Variants in CHRNA7 observed in about 807,000 individuals in gnomAD.
CHRNA7 encodes the protein cholinergic receptor nicotinic alpha 7 subunit.
A neutral mutation model predicts 48.0 loss-of-function variants in CHRNA7; 17 were observed. The observed-to-expected ratio is 0.35, with a 90% CI of 0.24 to 0.53. The LOEUF (loss-of-function observed/expected upper bound fraction) is 0.53. Among genes scored for constraint, CHRNA7 ranks in the 20% least tolerant of loss-of-function variants. The pLI, the probability that CHRNA7 is intolerant of heterozygous loss-of-function variation, is 0.92. For synonymous variants in CHRNA7, 75 were observed against 242.3 expected (o/e 0.31, Z 6.41); for missense variants, 155 against 577.7 (o/e 0.27, Z 7.50).
At chr15:32,114,044 G>A (rs11638173) in intron 4 of CHRNA7, among the ~76,000 whole-genome samples, 18,366 of 61,598 alleles carry the variant, frequency 0.3, 1,986 homozygotes, top group Middle Eastern at 0.41. Context: ...ATATATATAT[G>A]TATATATATA....
chr15:32,147,209 G>A (rs1001806828), intron 4 of CHRNA7, among the ~76,000 whole-genome samples: 3 of 152,182 alleles, frequency 2.0e-5, no homozygotes, highest in African/African-American at 7.2e-5. Context: ...GGTACTCATG[G>A]ACATAAAGAT....
chr15:32,051,255 G>T (rs4779962), intron 2 of CHRNA7, among the ~76,000 whole-genome samples: 90,787 of 151,088 alleles, frequency 0.6, 31,370 homozygotes, highest in Non-Finnish European at 0.77. Context: ...CCCAGAGGTG[G>T]AGCCTACGGA....
At chr15:32,096,476 G>T (rs1217678428) in intron 2 of CHRNA7, among the ~76,000 whole-genome samples, 1 of 152,152 alleles carries the variant, frequency 6.6e-6, no homozygotes, top group African/African-American at 2.4e-5. Flanking sequence ...TTGGTGTAAA[G>T]ATTAAATTAG....
chr15:32,147,728 T>A (rs2051521355), intron 4 of CHRNA7, among the ~76,000 whole-genome samples: 1 of 152,214 alleles, frequency 6.6e-6, no homozygotes, highest in African/African-American at 2.4e-5. Flanking sequence ...TCAAGACTTT[T>A]TTGGTCATGG....
chr15:32,033,875 C>G (rs1369780295), intron 2 of CHRNA7, among the ~76,000 whole-genome samples: 1 of 152,178 alleles, frequency 6.6e-6, no homozygotes, highest in Non-Finnish European at 1.5e-5. Flanking sequence ...GCAGAGATTC[C>G]TGACTGGAGT....
intron 4 of CHRNA7, among the ~76,000 whole-genome samples, chr15:32,142,353 C>T (rs1000460055): frequency 1.3e-5 from 2 of 152,136 alleles, no homozygotes; most frequent in South Asian, 2.1e-4. Context: ...TGCATCAATG[C>T]TCCTCAGGGA....
At chr15:32,131,072 T>A (rs2051147360) in intron 4 of CHRNA7, among the ~76,000 whole-genome samples, 1 of 152,150 alleles carries the variant, frequency 6.6e-6, no homozygotes. Flanking sequence ...TTTTTCCCCC[T>A]TACGGATCAT....
chr15:32,059,125 TC>T (rs1276233802), intron 2 of CHRNA7, among the ~76,000 whole-genome samples: 5 of 152,054 alleles, frequency 3.3e-5, no homozygotes, highest in African/African-American at 1.2e-4. Flanking sequence ...TGCCTCAGTC[TC>T]CCGAGTGGCT....
chr15:32,074,108 G>A (rs148463247), intron 2 of CHRNA7, among the ~76,000 whole-genome samples: 6 of 149,850 alleles, frequency 4.0e-5, no homozygotes, highest in Middle Eastern at 3.4e-3. Flanking sequence ...TAATTTTGAT[G>A]TCCATATGCT....
At chr15:32,087,186 C>T (rs962945445) in intron 2 of CHRNA7, among the ~76,000 whole-genome samples, 1 of 152,096 alleles carries the variant, frequency 6.6e-6, no homozygotes, top group African/African-American at 2.4e-5. Flanking sequence ...GTGGACTCAG[C>T]AGTATTTATT....
At chr15:32,136,971 G>A (rs1226896731) in intron 4 of CHRNA7, among the ~76,000 whole-genome samples, 1 of 137,018 alleles carries the variant, frequency 7.3e-6, no homozygotes, top group South Asian at 2.4e-4. Flanking sequence ...GGCGGAGCTT[G>A]CAGTGAGCCG....
intron 2 of CHRNA7, among the ~76,000 whole-genome samples, chr15:32,037,456 C>A (rs1902147336): frequency 6.6e-6 from 1 of 152,098 alleles, no homozygotes; most frequent in Admixed American, 6.6e-5. Context: ...TATCGATACC[C>A]ACAAAATAAC....
chr15:32,131,098 T>C (rs375268294), intron 4 of CHRNA7, among the ~76,000 whole-genome samples: 41 of 152,290 alleles, frequency 2.7e-4, no homozygotes, highest in African/African-American at 9.9e-4. Context: ...TCTGGCTGCT[T>C]TCAAGATTTT....
Position 32,031,525 on chromosome 15 carries a change from G to C in CHRNA7, c.195+488G>C, listed in dbSNP as rs80082132. 7.0e-3 allele frequency among the ~76,000 whole-genome samples: 1,060 copies of C among 152,334 alleles called. 16 individuals carry two copies. Among genetic ancestry groups the C allele is most frequent in the African/African-American group, 0.024 (1,007 of 41,578 alleles). On this transcript the variant is annotated intron_variant, in intron 2 of 9. Coordinates refer to ENST00000306901, the MANE Select transcript of CHRNA7 (RefSeq NM_000746.6). ...GCGAATCTATCCAGGCAGAGGGCAA[G>C]AGGGCCAGCTGTGAACTTTCACTGT... is the stretch of plus-strand genomic sequence containing the variant.
chr15:32,127,026 T>C (rs2051078151), intron 4 of CHRNA7, among the ~76,000 whole-genome samples: 1 of 152,186 alleles, frequency 6.6e-6, no homozygotes, highest in East Asian at 1.9e-4. Flanking sequence ...ACTGTAAAGA[T>C]CTCTTGCACT....
chr15:32,065,830 T>TA (rs2049956524), intron 2 of CHRNA7, among the ~76,000 whole-genome samples: 1 of 136,362 alleles, frequency 7.3e-6, no homozygotes, highest in Non-Finnish European at 1.5e-5. Flanking sequence ...CACACAGACA[T>TA]AGCCCACTGC....
chr15:32,098,425 C>T (rs2050509825), intron 2 of CHRNA7, among the ~76,000 whole-genome samples: 1 of 152,086 alleles, frequency 6.6e-6, no homozygotes. Context: ...AGACCTATTG[C>T]TGCCAGAGTC....
At chr15:32,040,561 C>T (rs1385224995) in intron 2 of CHRNA7, among the ~76,000 whole-genome samples, 2 of 150,392 alleles carry the variant, frequency 1.3e-5, no homozygotes, top group African/African-American at 2.4e-5. Context: ...TCCCTTGTAC[C>T]ATTTATTTCT....
chr15:32,104,408 C>T (rs1344940307), intron 3 of CHRNA7, among the ~76,000 whole-genome samples: 1 of 152,108 alleles, frequency 6.6e-6, no homozygotes, highest in Non-Finnish European at 1.5e-5. Context: ...CTTTGAGCTC[C>T]GATGTACTGT....
Sources: gnomAD v4.1 joint callset for allele counts (sites outside exome capture counted in the v4.1 genomes callset) on GRCh38, gnomAD v4.1.1 for gene constraint, MANE v1.5 for transcripts, NCBI Gene and HGNC (gene_info 2026-07-23, HGNC 2026-07-21) for gene names.